Variants in NSD3 observed in about 807,000 individuals in gnomAD.
NSD3 encodes the protein nuclear receptor binding SET domain protein 3.
Under a neutral mutation model 160.8 loss-of-function variants are expected in NSD3, and 24 were observed. The ratio of observed to expected loss-of-function variants is 0.15; its 90% CI spans 0.11 to 0.21. NSD3 has a LOEUF of 0.21. NSD3 is among the 10% of genes least tolerant of loss of function. The pLI, the probability that NSD3 is intolerant of heterozygous loss-of-function variation, is 1.00. For missense variants in NSD3, 1,157 were observed against 1,735.9 expected, an observed-to-expected ratio of 0.67 and a Z score of 5.93; for synonymous variants, 520 against 600.0, an observed-to-expected ratio of 0.87 and a Z score of 1.95.
Position 38,318,021 on chromosome 8 carries a change from C to G in NSD3, c.1855+874G>C, listed in dbSNP as rs555517344. On this transcript the variant is annotated intron_variant, in intron 9 of 23. Transcript: ENST00000317025. This position sits in a 1 kb window ranked among gnomAD's most constrained non-coding sequence, Gnocchi z 5.3. ...TCACTGAATCTGACAGAGCCCTGCA[C>G]TCCCCGGTCCGCCGACCCTGTGGAA... 2 of 1,614,184 alleles carry G rather than the reference C, an allele frequency of 1.2e-6. No individual in the cohort carries two copies. The highest frequency in any genetic ancestry group is 3.3e-5 in the Admixed American group (2 of 60,024).
At chr8:38,332,570 T>G (rs1461239551) in intron 4 of NSD3, among the ~76,000 whole-genome samples, 1 of 152,224 alleles carries the variant, frequency 6.6e-6, no homozygotes, top group Non-Finnish European at 1.5e-5. Flanking sequence ...TTAAGGGCAA[T>G]GCTACTCTGA....
chr8:38,287,315 A>G (rs1488023070), intron 19 of NSD3, among the ~76,000 whole-genome samples: 1 of 152,218 alleles, frequency 6.6e-6, no homozygotes, highest in Non-Finnish European at 1.5e-5. Context: ...ACATTTTACT[A>G]TGACTAAAAT....
At chr8:38,278,130 G>A (rs1357368432) in intron 22 of NSD3, among the ~76,000 whole-genome samples, 176 bp downstream of exon 22, 2 of 151,964 alleles carry the variant, frequency 1.3e-5, no homozygotes. Flanking sequence ...AGTAGAGATG[G>A]GGTTTCACCG....
rs1416172189 is a variant in NSD3, at chr8:38,289,576, C to T, written c.3119-71G>A. 38 of 1,358,286 alleles carry T rather than the reference C, an allele frequency of 2.8e-5. No homozygotes were observed. In the East Asian group the frequency reaches 3.0e-4, roughly 11 times the overall value. 84.1% of individuals were successfully genotyped at this position (1,358,286 alleles called of 1,614,324 possible). ...GAAAATTGATGGGATAGTAGTTTTA[C>T]GCTGCCTTCCCAATGCTTTGCATCT... is the stretch of plus-strand genomic sequence containing the variant. On this transcript the variant is annotated intron_variant, in intron 17 of 23. Transcript: ENST00000317025.
At chr8:38,301,343 C>T (rs980656674) in intron 14 of NSD3, among the ~76,000 whole-genome samples, 1 of 152,114 alleles carries the variant, frequency 6.6e-6, no homozygotes, top group Non-Finnish European at 1.5e-5. Flanking sequence ...TTTGGGAGGC[C>T]GAGACAGGCG....
chr8:38,345,397 C>A (rs963137106), intron 2 of NSD3, among the ~76,000 whole-genome samples: 5 of 151,166 alleles, frequency 3.3e-5, no homozygotes, highest in Non-Finnish European at 7.4e-5. Context: ...AGAGAGAGAA[C>A]GAACAAGAAA....
chr8:38,304,170 G>A (rs1316171847), intron 14 of NSD3, among the ~76,000 whole-genome samples: 1 of 152,196 alleles, frequency 6.6e-6, no homozygotes, highest in Admixed American at 6.5e-5. Flanking sequence ...CTGAAAAATG[G>A]ATGTGCTAGT....
chr8:38,364,231 C>T (rs566444185), intron 1 of NSD3, among the ~76,000 whole-genome samples: 1 of 151,924 alleles, frequency 6.6e-6, no homozygotes, highest in Non-Finnish European at 1.5e-5. Flanking sequence ...GAGCCAAGAT[C>T]GTGCCACTGC....
At chr8:38,361,937 C>T (rs920431121) in intron 1 of NSD3, among the ~76,000 whole-genome samples, 2 of 151,820 alleles carry the variant, frequency 1.3e-5, no homozygotes, top group Non-Finnish European at 1.5e-5. Flanking sequence ...AGCTCCTTTC[C>T]AAAGACCTAT....
intron 2 of NSD3, among the ~76,000 whole-genome samples, chr8:38,345,153 A>G (rs1324612565): frequency 1.3e-5 from 2 of 152,022 alleles, no homozygotes; most frequent in East Asian, 3.9e-4. Flanking sequence ...TCAAAATTCA[A>G]TTAACAAGAA....
At chr8:38,373,755 GCC>G (rs1811315318) in intron 1 of NSD3, among the ~76,000 whole-genome samples, 1 of 151,664 alleles carries the variant, frequency 6.6e-6, no homozygotes, top group Non-Finnish European at 1.5e-5. Flanking sequence ...AGTGTTCAAG[GCC>G]AGCCAGGCAA....
intron 1 of NSD3, among the ~76,000 whole-genome samples, chr8:38,366,398 A>G (rs1811106604): frequency 6.7e-6 from 1 of 149,496 alleles, no homozygotes; most frequent in Non-Finnish European, 1.5e-5. Flanking sequence ...ATGTACAATT[A>G]TGTTCACATC....
chr8:38,332,518 A>G (rs926326148), intron 4 of NSD3, among the ~76,000 whole-genome samples: 2 of 152,206 alleles, frequency 1.3e-5, no homozygotes, highest in East Asian at 3.8e-4. Flanking sequence ...AAGTTTTAGG[A>G]GTAAAAGGGG....
At chr8:38,279,858 A>G in intron 20 of NSD3, 177 bp from the exon 21 acceptor site, 1 of 620,358 alleles carries the variant, frequency 1.6e-6, no homozygotes, top group Non-Finnish European at 2.7e-6. Flanking sequence ...TTATTTGATG[A>G]CCTTCAAGTC....
At chr8:38,326,959 A>G in intron 6 of NSD3, 103 bp from the exon 7 acceptor site, 1 of 1,283,634 alleles carries the variant, frequency 7.8e-7, no homozygotes, top group Non-Finnish European at 1.1e-6. Context: ...ATTTGCTTAA[A>G]TTTTATATGG....
intron 8 of NSD3, chr8:38,320,314 T>G (rs1809766122): frequency 6.6e-6 from 1 of 152,126 alleles, no homozygotes; most frequent in Non-Finnish European, 1.5e-5. Context: ...CTATTCAGAA[T>G]TTGTTTTGTT....
At chr8:38,349,665 T>TA (rs1554528132) in intron 1 of NSD3, among the ~76,000 whole-genome samples, 8 of 109,810 alleles carry the variant, frequency 7.3e-5, no homozygotes, top group African/African-American at 2.5e-4. Context: ...ATTTCTTTCT[T>TA]TATATATATA....
intron 1 of NSD3, among the ~76,000 whole-genome samples, chr8:38,350,420 A>G (rs976874480): frequency 6.6e-6 from 1 of 152,070 alleles, no homozygotes; most frequent in Non-Finnish European, 1.5e-5. Context: ...TTTGATTTGC[A>G]TTTGTCTGAT....
chr8:38,378,132 C>CT lies in NSD3; in HGVS notation c.-45+3666dup, dbSNP rs527242600. 2.0e-3 allele frequency among the ~76,000 whole-genome samples: 290 copies of CT among 146,250 alleles called. 1 individual carries two copies. Among genetic ancestry groups the CT allele is most frequent in the Middle Eastern group, 3.6e-3 (1 of 276 alleles). ...CTGTAATATGTGAATATGTGAATAA[C>CT]TTTTTTTTTTTTTGAGACACTCCAA... On this transcript the variant is annotated intron_variant, in intron 1 of 23. Transcript: ENST00000317025.
Sources: allele counts gnomAD v4.1 joint callset (sites outside exome capture counted in the v4.1 genomes callset), GRCh38; gene constraint gnomAD v4.1.1; non-coding constraint Gnocchi (gnomAD v3.1); transcripts MANE v1.5; gene names NCBI Gene and HGNC (gene_info 2026-07-23, HGNC 2026-07-21).